FES: variants seen among roughly 807,000 people sequenced by gnomAD.
FES encodes the protein FES proto-oncogene, tyrosine kinase, also known as tyrosine-protein kinase Fes/Fps.
A neutral mutation model predicts 109.6 loss-of-function variants in FES; 83 were observed. The ratio of observed to expected loss-of-function variants is 0.76; its 90% CI spans 0.63 to 0.91. FES has a LOEUF of 0.91. Ranked by LOEUF, FES falls within the 40% of genes least tolerant of loss-of-function variation. The pLI is 0.00. For missense variants in FES, 943 were observed against 1,070.9 expected, an observed-to-expected ratio of 0.88 and a Z score of 1.67; for synonymous variants, 458 against 442.1, an observed-to-expected ratio of 1.04 and a Z score of -0.45.
intron 5 of FES, among the ~76,000 whole-genome samples, chr15:90,888,247 G>T (rs548883022): frequency 2.0e-5 from 3 of 152,050 alleles, no homozygotes; most frequent in Non-Finnish European, 4.4e-5. Context: ...CTGGAACTAC[G>T]GGCATGCGCC....
Position 90,891,673 on chromosome 15 carries a change from C to G in FES, c.1650C>G (p.Pro550=). ...GTGTTGTCCTGCACAGGGCTGTGCC[C>G]AAGGTGAGCCTGCACCCAGCCTGGC... ...KSGVVLHRAV[P]KDKWVLNHED... The change falls in exon 12 of 19, where the codon CCC becomes CCG. Residue 550 remains proline (P), a synonymous_variant. Transcript: ENST00000328850. The G allele has an allele frequency of 4.3e-6, 7 of 1,613,662 alleles. No individual in the cohort carries two copies. Among genetic ancestry groups the G allele is most frequent in the Non-Finnish European group, 5.9e-6 (7 of 1,179,874 alleles).
intron 13 of FES, 64 bp downstream of exon 13, chr15:90,892,175 CT>C (rs966358257): frequency 1.3e-6 from 2 of 1,589,312 alleles, no homozygotes; most frequent in African/African-American, 2.7e-5. Flanking sequence ...CCTGGGCCCC[CT>C]GCCCTACCAC....
At chr15:90,887,087 G>C in intron 4 of FES, 30 bp downstream of exon 4, 1 of 1,613,566 alleles carries the variant, frequency 6.2e-7, no homozygotes, top group Non-Finnish European at 8.5e-7. Context: ...GGCAGGGAGG[G>C]AATCCGAAGC....
rs756990184 is a variant in FES at position 90,890,225 on chromosome 15, G to A, written c.1183G>A (p.Glu395Lys). ...QTKLEHLGPG[E>K]PPPVLLLQDD... The stretch of plus-strand genomic sequence containing the variant: ...CAAGCTGGAGCACCTGGGCCCCGGC[G>A]AGCCCCCGCCTGTGCTGCTCCTGCA... Residue 395 changes from glutamate (E) to lysine (K), a missense_variant, in exon 9 of 19, where the codon GAG becomes AAG. By Grantham distance (56) the Glu-to-Lys change is moderately conservative. Coordinates refer to ENST00000328850, the MANE Select transcript of FES (RefSeq NM_002005.4). 5 of 1,599,780 alleles carry A rather than the reference G, an allele frequency of 3.1e-6. No homozygotes were observed. The highest frequency in any genetic ancestry group is 8.5e-7 in the Non-Finnish European group (1 of 1,178,510).
Position 90,891,645 on chromosome 15 carries a change from G to C in FES, c.1622G>C (p.Ser541Thr). ...ACCCAGCAGCCCCTCACCAAGAAGA[G>C]TGGTGTTGTCCTGCACAGGGCTGTG... ...LSTQQPLTKK[S>T]GVVLHRAVPK... The change falls in exon 12 of 19, where the codon AGT becomes ACT. Residue 541 changes from serine (S) to threonine (T), a missense_variant. Physicochemically the swap from Ser to Thr is moderately conservative, Grantham distance 58. Transcript: ENST00000328850. The C allele has an allele frequency of 6.2e-7, 1 of 1,613,928 alleles. No homozygotes were observed. Among genetic ancestry groups the C allele is most frequent in the Non-Finnish European group, 8.5e-7 (1 of 1,180,002 alleles).
Position 90,890,484 on chromosome 15 carries a change from G to C in FES, c.1320G>C (p.Ser440=). ...CAGGAATCTTCCGCCCCAAGTTCTCGGTGAGTGGCGCCCAGCCTGGGCCCC... is the reference window on the plus strand; with the variant it reads ...CAGGAATCTTCCGCCCCAAGTTCTCCGTGAGTGGCGCCCAGCCTGGGCCCC... ...HISGIFRPKF[S]LPPPLQLIPE... Residue 440 remains serine (S), a splice_region_variant and synonymous_variant, in exon 10 of 19, where the codon TCG becomes TCC. Coordinates refer to ENST00000328850, the MANE Select transcript of FES (RefSeq NM_002005.4). 1.9e-6 allele frequency: 3 copies of C among 1,612,238 alleles called. No individual in the cohort carries two copies. Among genetic ancestry groups the C allele is most frequent in the East Asian group, 2.2e-5 (1 of 44,880 alleles).
chr15:90,893,928 C>T lies in FES; in HGVS notation c.2204-8C>T. On this transcript the variant is annotated splice_polypyrimidine_tract_variant and splice_region_variant and intron_variant, in intron 17 of 18. Transcript: ENST00000328850. The stretch of plus-strand genomic sequence containing the variant: ...TCACGCTGCCTCACCTCCTCGCCTC[C>T]TCTGCAGGCCGCTACTCCTCCGAAA... 4 of 1,613,538 alleles carry T rather than the reference C, an allele frequency of 2.5e-6. No individual in the cohort carries two copies. In the African/African-American group the frequency reaches 4.0e-5, roughly 16 times the overall value.
chr15:90,892,623 GGGGTAGGAAGCAGAAT>G (rs2033330393), intron 13 of FES, 68 bp from the exon 14 acceptor site: 1 of 1,397,178 alleles, frequency 7.2e-7, no homozygotes, highest in South Asian at 1.3e-5. Flanking sequence ...CCCTCACCCA[GGGGTAGGAAGCAGAAT>G]GGGTAGGAAG....
chr15:90,892,181 T>TACCAACCAGAGACCTCCCTGCCCC, intron 13 of FES, 70 bp downstream of exon 13: 1 of 1,576,472 alleles, frequency 6.3e-7, no homozygotes. Flanking sequence ...CCCCCTGCCC[T>TACCAACCAGAGACCTCCCTGCCCC]ACCACCCAGA....
intron 11 of FES, 173 bp downstream of exon 11, chr15:90,891,364 G>T: frequency 9.5e-7 from 1 of 1,052,996 alleles, no homozygotes; most frequent in Non-Finnish European, 1.4e-6. Context: ...CAAAATAGAG[G>T]CTTAAGTGTG....
intron 18 of FES, among the ~76,000 whole-genome samples, chr15:90,894,928 G>A (rs1462323393): frequency 2.0e-5 from 3 of 152,056 alleles, no homozygotes; most frequent in Middle Eastern, 3.4e-3. Flanking sequence ...TTAGCGAGGT[G>A]TAGTGGTGCA....
At position 90,891,032 on chromosome 15, in the gene FES, G is replaced by A; in HGVS notation, c.1371G>A (p.Glu457=). Residue 457 remains glutamate (E), a synonymous_variant, in exon 11 of 19, where the codon GAG becomes GAA. Transcript: ENST00000328850. The part of the protein sequence containing the change: ...LIPEVQKPLH[E]QLWYHGAIPR... ...CGGAGGTGCAGAAGCCCCTGCATGA[G>A]CAGCTGTGGTACCACGGGGCCATCC... The A allele has an allele frequency of 6.3e-7, 1 of 1,599,038 alleles. No homozygotes were observed. The highest frequency in any genetic ancestry group is 8.5e-7 in the Non-Finnish European group (1 of 1,172,690).
Position 90,889,644 on chromosome 15 carries a change from G to T in FES, c.926+8G>T, listed in dbSNP as rs1266862825. 1.2e-6 allele frequency: 2 copies of T among 1,612,710 alleles called. No individual in the cohort carries two copies. The highest frequency in any genetic ancestry group is 1.7e-5 in the Admixed American group (1 of 60,018). On this transcript the variant is annotated splice_region_variant and intron_variant, in intron 7 of 18. Coordinates refer to ENST00000328850, the MANE Select transcript of FES (RefSeq NM_002005.4). The surrounding 1 kb of genome is among the most constrained non-coding windows in gnomAD (Gnocchi z 6.1). The stretch of plus-strand genomic sequence containing the variant: ...GGAGAGCGTGCAGCACACGTGGGTG[G>T]TGGCTTTGCACCTGGGCTGCGGCGG...
Position 90,895,430 on chromosome 15 carries a change from T to C in FES, c.2341T>C (p.Cys781Arg). 1 of 1,554,452 alleles carries C rather than the reference T, an allele frequency of 6.4e-7. No homozygotes were observed. The highest frequency in any genetic ancestry group is 8.7e-7 in the Non-Finnish European group (1 of 1,146,666). Residue 781 changes from cysteine (C) to arginine (R), a missense_variant, in exon 19 of 19, where the codon TGC becomes CGC. Coordinates refer to ENST00000328850, the MANE Select transcript of FES (RefSeq NM_002005.4). Reference protein sequence around the residue: ...EFVEKGGRLPCPELCPDAVFR... With the variant: ...EFVEKGGRLPRPELCPDAVFR... ...TCTCCTCACAGGGGGCCGTCTGCCC[T>C]GCCCAGAGCTGTGTCCTGATGCCGT...
Position 90,889,763 on chromosome 15 carries a change from C to T in FES, c.927-77C>T. On this transcript the variant is annotated intron_variant, in intron 7 of 18. Coordinates refer to ENST00000328850, the MANE Select transcript of FES (RefSeq NM_002005.4). This position sits in a 1 kb window ranked among gnomAD's most constrained non-coding sequence, Gnocchi z 6.1. Reference sequence around the variant, plus strand: ...TCACCAGGTGGCCGGGCTTGCTTGGCTCTACAGGGATGCACTGGACCTGGG... The same window carrying T: ...TCACCAGGTGGCCGGGCTTGCTTGGTTCTACAGGGATGCACTGGACCTGGG... 1.9e-6 allele frequency: 3 copies of T among 1,606,212 alleles called. No individual in the cohort carries two copies. The highest frequency in any genetic ancestry group is 2.6e-6 in the Non-Finnish European group (3 of 1,176,052).
rs2033643247 is a variant in FES at position 90,895,661 on chromosome 15, T to C, written c.*103T>C. 3 of 1,081,482 alleles carry C rather than the reference T, an allele frequency of 2.8e-6. No homozygotes were observed. In the Admixed American group the frequency reaches 9.4e-5, roughly 34 times the overall value. The allele number at this position is 1,081,482 out of a possible 1,614,324, so 67.0% of individuals were successfully genotyped here. On this transcript the variant is annotated 3_prime_UTR_variant, in exon 19 of 19. Coordinates refer to ENST00000328850, the MANE Select transcript of FES (RefSeq NM_002005.4). Reference sequence around the variant, plus strand: ...ACAGCTCTTCACAGTCCTGGACTCCTGCCACCAGCATCCACACTGCCGGCA... The same window carrying C: ...ACAGCTCTTCACAGTCCTGGACTCCCGCCACCAGCATCCACACTGCCGGCA...
chr15:90,894,448 G>A (rs2033523985), intron 18 of FES, among the ~76,000 whole-genome samples: 1 of 152,114 alleles, frequency 6.6e-6, no homozygotes, highest in Non-Finnish European at 1.5e-5. Flanking sequence ...AGCCAGGCAT[G>A]GTGGCACGTG....
intron 1 of FES, 171 bp downstream of exon 1, chr15:90,884,715 C>A (rs949142512): frequency 9.3e-6 from 2 of 216,070 alleles, no homozygotes; most frequent in East Asian, 2.4e-4. Context: ...GAGGCTTCAG[C>A]TGGGGCAGGC....
At chr15:90,890,508 C>T (rs2033111636) in intron 10 of FES, 24 bp downstream of exon 10, 1 of 1,601,358 alleles carries the variant, frequency 6.2e-7, no homozygotes. Context: ...AGCCTGGGCC[C>T]CCCTACTGTT....
Sources: allele counts gnomAD v4.1 joint callset (sites outside exome capture counted in the v4.1 genomes callset), GRCh38; gene constraint gnomAD v4.1.1; non-coding constraint Gnocchi (gnomAD v3.1); transcripts MANE v1.5; gene names NCBI Gene and HGNC (gene_info 2026-07-23, HGNC 2026-07-21).